The following KLHL32 variants were observed in gnomAD, a reference collection of about 807,000 sequenced individuals.
The protein encoded by KLHL32 is kelch like family member 32, also known as kelch-like protein 32.
A neutral mutation model predicts 64.8 loss-of-function variants in KLHL32; 35 were observed. The ratio of observed to expected loss-of-function variants is 0.54; its 90% CI spans 0.41 to 0.72. KLHL32 has a LOEUF of 0.72. Among genes scored for constraint, KLHL32 ranks in the 30% least tolerant of loss-of-function variants. The pLI is 0.00. For missense variants in KLHL32, 589 were observed against 768.5 expected, an observed-to-expected ratio of 0.77 and a Z score of 2.76; for synonymous variants, 259 against 281.0, an observed-to-expected ratio of 0.92 and a Z score of 0.78.
intron 6 of KLHL32, among the ~76,000 whole-genome samples, chr6:97,086,050 G>A (rs1467354199): frequency 6.6e-6 from 1 of 152,166 alleles, no homozygotes; most frequent in Admixed American, 6.5e-5. Context: ...TAGTCAGAGA[G>A]CCTATCTTCC....
intron 7 of KLHL32, among the ~76,000 whole-genome samples, chr6:97,115,035 G>A (rs183992280): frequency 8.9e-4 from 136 of 152,284 alleles, no homozygotes; most frequent in African/African-American, 3.1e-3. Flanking sequence ...TGCTGTTTCA[G>A]ATAGGGTCTC....
chr6:97,056,206 C>T (rs1240351496), intron 4 of KLHL32, among the ~76,000 whole-genome samples: 8 of 149,452 alleles, frequency 5.4e-5, no homozygotes, highest in Admixed American at 2.0e-4. Context: ...CCCGGGTTCA[C>T]GCCATTCTCC....
chr6:96,973,387 A>G (rs1037910878), intron 2 of KLHL32, among the ~76,000 whole-genome samples: 6 of 152,200 alleles, frequency 3.9e-5, no homozygotes, highest in Admixed American at 2.0e-4. Flanking sequence ...TTATCTTAAT[A>G]TATTCTTCGG....
At chr6:97,107,108 C>T (rs759859719) in intron 6 of KLHL32, among the ~76,000 whole-genome samples, 5 of 152,106 alleles carry the variant, frequency 3.3e-5, no homozygotes, top group Middle Eastern at 3.4e-3. Flanking sequence ...TTGGCTAACA[C>T]GGTGAAACCC....
intron 3 of KLHL32, among the ~76,000 whole-genome samples, chr6:97,031,874 C>A (rs547625412): frequency 6.6e-6 from 1 of 152,248 alleles, no homozygotes; most frequent in East Asian, 1.9e-4. Context: ...TTTCTCAGCT[C>A]TCGTTTCAAT....
intron 10 of KLHL32, among the ~76,000 whole-genome samples, chr6:97,135,466 C>T (rs1318801190): frequency 2.0e-5 from 3 of 151,864 alleles, no homozygotes; most frequent in Non-Finnish European, 2.9e-5. Flanking sequence ...CCACCATGCC[C>T]AGCTAATTTT....
intron 2 of KLHL32, among the ~76,000 whole-genome samples, chr6:96,970,481 A>C (rs958386322): frequency 1.3e-5 from 2 of 152,138 alleles, no homozygotes; most frequent in Admixed American, 6.5e-5. Context: ...ACTTGTTCTC[A>C]TCCTTCAGCC....
At chr6:96,923,951 T>C (rs1582342261), upstream of KLHL32, among the ~76,000 whole-genome samples, 1 of 152,138 alleles carries the variant, frequency 6.6e-6, no homozygotes, top group East Asian at 1.9e-4. Flanking sequence ...GGCACTTGAG[T>C]GTGCCAGGCC....
At chr6:97,073,988 G>A (rs1271685544) in intron 5 of KLHL32, among the ~76,000 whole-genome samples, 1 of 152,190 alleles carries the variant, frequency 6.6e-6, no homozygotes, top group Non-Finnish European at 1.5e-5. Flanking sequence ...TCTGTGTCAT[G>A]GACTTGGCTC....
chr6:96,968,168 C>A (rs942068660), intron 2 of KLHL32, among the ~76,000 whole-genome samples: 9 of 152,168 alleles, frequency 5.9e-5, no homozygotes, highest in Non-Finnish European at 1.3e-4. Flanking sequence ...CGCCTCTGCA[C>A]TCCCTATGTG....
At chr6:97,017,125 T>A (rs1781321261) in intron 3 of KLHL32, among the ~76,000 whole-genome samples, 1 of 152,202 alleles carries the variant, frequency 6.6e-6, no homozygotes, top group Non-Finnish European at 1.5e-5. Flanking sequence ...TCAGTATGAC[T>A]GGAATTTGGT....
At chr6:97,052,512 CTG>C (rs1308803280) in intron 4 of KLHL32, among the ~76,000 whole-genome samples, 1 of 152,244 alleles carries the variant, frequency 6.6e-6, no homozygotes, top group Non-Finnish European at 1.5e-5. Context: ...GGGCTTCAAT[CTG>C]TGTAAACAAA....
chr6:96,938,916 A>G (rs539171634), intron 1 of KLHL32, among the ~76,000 whole-genome samples: 1 of 152,260 alleles, frequency 6.6e-6, no homozygotes, highest in East Asian at 1.9e-4. Flanking sequence ...TCTAAAGTGA[A>G]CTGCAGGGGC....
chr6:96,963,301 G>T (rs1482329277), intron 1 of KLHL32, among the ~76,000 whole-genome samples: 2 of 152,174 alleles, frequency 1.3e-5, no homozygotes, highest in Admixed American at 1.3e-4. Flanking sequence ...ACTGGGAAAA[G>T]TACTGTAAAC....
At chr6:97,005,448 CT>C (rs1208548125) in intron 3 of KLHL32, among the ~76,000 whole-genome samples, 2 of 151,786 alleles carry the variant, frequency 1.3e-5, no homozygotes, top group Non-Finnish European at 2.9e-5. Context: ...ATTTGTTGAA[CT>C]TTTGTATGGT....
intron 3 of KLHL32, among the ~76,000 whole-genome samples, chr6:96,986,358 G>A (rs2128057190): frequency 6.6e-6 from 1 of 152,288 alleles, no homozygotes; most frequent in Admixed American, 6.5e-5. Flanking sequence ...GTTCTTAGAT[G>A]TCCAACTGCA....
At chr6:96,999,608 T>TTA in intron 3 of KLHL32, 1 of 688,970 alleles carries the variant, frequency 1.5e-6, no homozygotes, top group Non-Finnish European at 1.8e-6. Context: ...GATGACAACT[T>TTA]TATTTTTCTC....
intron 3 of KLHL32, among the ~76,000 whole-genome samples, chr6:96,982,926 G>A (rs1423348603): frequency 6.6e-6 from 1 of 152,270 alleles, no homozygotes; most frequent in Non-Finnish European, 1.5e-5. Flanking sequence ...TGTTCAATAG[G>A]AGTGGTGAGA....
At chr6:97,011,923 T>C (rs1780458450) in intron 3 of KLHL32, among the ~76,000 whole-genome samples, 1 of 152,250 alleles carries the variant, frequency 6.6e-6, no homozygotes, top group South Asian at 2.1e-4. Flanking sequence ...TCACATTTGT[T>C]ACTTTGTTTA....
Sources: allele counts gnomAD v4.1 joint callset (sites outside exome capture counted in the v4.1 genomes callset), GRCh38; gene constraint gnomAD v4.1.1; transcripts MANE v1.5; gene names NCBI Gene and HGNC (gene_info 2026-07-23, HGNC 2026-07-21).